The following SHISA9 variants were observed in gnomAD, a reference collection of about 807,000 sequenced individuals.
SHISA9 encodes the protein protein shisa-9.
In SHISA9, 13 loss-of-function variants were observed where a neutral mutation model predicts 38.0. The observed-to-expected ratio is 0.34, with a 90% CI of 0.22 to 0.54. The LOEUF is 0.54. SHISA9 is among the 20% of genes least tolerant of loss of function. SHISA9 has a pLI of 0.91. For missense variants in SHISA9, 538 were observed against 575.8 expected (o/e 0.93, Z 0.67); for synonymous variants, 275 against 242.0 (o/e 1.14, Z -1.27).
At chr16:13,254,161 C>T in the SHISA9 span, among the ~76,000 whole-genome samples, 3 of 152,084 alleles carry the variant, frequency 2.0e-5, no homozygotes, top group Non-Finnish European at 4.4e-5. Flanking sequence ...CTACTATGTG[C>T]CAGGCAATTT....
the SHISA9 span, among the ~76,000 whole-genome samples, chr16:13,526,639 G>A: frequency 6.6e-6 from 1 of 152,262 alleles, no homozygotes; most frequent in East Asian, 1.9e-4. Context: ...GCCTGCCTCG[G>A]CCTCCCAAAG....
chr16:13,455,408 A>G, the SHISA9 span, among the ~76,000 whole-genome samples: 5 of 152,306 alleles, frequency 3.3e-5, no homozygotes, highest in East Asian at 3.9e-4. Context: ...TGCACCTTCA[A>G]TGTTTTGCAT....
chr16:13,093,300 C>G (rs1412404023), intron 2 of SHISA9, among the ~76,000 whole-genome samples: 1 of 152,158 alleles, frequency 6.6e-6, no homozygotes, highest in East Asian at 1.9e-4. Context: ...TTAAGAAAAG[C>G]CCATCTCTGC....
the SHISA9 span, among the ~76,000 whole-genome samples, chr16:13,255,970 G>A: frequency 6.6e-6 from 1 of 152,106 alleles, no homozygotes; most frequent in Admixed American, 6.5e-5. Flanking sequence ...GAATAAAGAG[G>A]TGTCATATAA....
At chr16:13,394,582 C>T in the SHISA9 span, among the ~76,000 whole-genome samples, 1 of 152,146 alleles carries the variant, frequency 6.6e-6, no homozygotes, top group Non-Finnish European at 1.5e-5. Flanking sequence ...ACTTGGCTTT[C>T]TCGTTCTCAC....
chr16:13,116,030 CT>C (rs2074028042), intron 2 of SHISA9, among the ~76,000 whole-genome samples: 1 of 152,152 alleles, frequency 6.6e-6, no homozygotes, highest in Non-Finnish European at 1.5e-5. Context: ...ATTCTTCATT[CT>C]GCCTTATGAT....
At chr16:13,178,690 C>CT (rs1410550872) in intron 2 of SHISA9, among the ~76,000 whole-genome samples, 1 of 152,160 alleles carries the variant, frequency 6.6e-6, no homozygotes, top group Non-Finnish European at 1.5e-5. Context: ...AGAAGCCAGC[C>CT]TCCAGCCTTG....
At chr16:13,218,911 A>T (rs1021328093) in intron 4 of SHISA9, among the ~76,000 whole-genome samples, 12 of 152,226 alleles carry the variant, frequency 7.9e-5, no homozygotes, top group African/African-American at 2.7e-4. Flanking sequence ...GCTTTAAAAC[A>T]TTACTTCATG....
chr16:13,321,116 A>G, the SHISA9 span, among the ~76,000 whole-genome samples: 1 of 152,206 alleles, frequency 6.6e-6, no homozygotes, highest in African/African-American at 2.4e-5. Context: ...ACTACATTGG[A>G]CGGCACATCT....
At chr16:13,233,158 G>A (rs141513063) in intron 4 of SHISA9, among the ~76,000 whole-genome samples, 85 of 152,272 alleles carry the variant, frequency 5.6e-4, no homozygotes, top group African/African-American at 1.9e-3. Context: ...CCCATCTGAT[G>A]AGAATTTATG....
chr16:13,537,295 G>A, the SHISA9 span, among the ~76,000 whole-genome samples: 1 of 152,032 alleles, frequency 6.6e-6, no homozygotes, highest in African/African-American at 2.4e-5. Flanking sequence ...GGGCATGGTG[G>A]CAGTTGCCTG....
At chr16:13,429,934 A>G in the SHISA9 span, among the ~76,000 whole-genome samples, 7 of 152,170 alleles carry the variant, frequency 4.6e-5, no homozygotes, top group African/African-American at 1.4e-4. Context: ...GAATGTGACT[A>G]TATTAGGAGA....
intron 1 of SHISA9, among the ~76,000 whole-genome samples, chr16:12,912,255 C>T (rs1175234990): frequency 3.3e-5 from 5 of 152,272 alleles, no homozygotes; most frequent in South Asian, 2.1e-4. Flanking sequence ...TCATTTCTGC[C>T]GCACACTCTA....
rs1567179939 is a variant in SHISA9, at chr16:13,008,665, T to TC, written c.691+91852dup. Among the ~76,000 whole-genome samples, 75 of 26,196 alleles carry TC rather than the reference T, an allele frequency of 2.9e-3. 2 individuals carry two copies. The highest frequency in any genetic ancestry group is 2.0e-3 in the Non-Finnish European group (26 of 12,688). The allele number at this position is 26,196 out of a possible 152,430, so 17.2% of individuals were successfully genotyped here. On this transcript the variant is annotated intron_variant, in intron 2 of 4. Transcript: ENST00000558583. ...TCCCTCCCTCCCTCCCTCCCTCCCT[T>TC]CCTCCCTCCCTCCCTCTCTCTCTCT...
At chr16:13,367,369 T>C in the SHISA9 span, among the ~76,000 whole-genome samples, 1 of 149,612 alleles carries the variant, frequency 6.7e-6, no homozygotes, top group Admixed American at 6.7e-5. Context: ...GGGTACCATT[T>C]ATTAAGCTCT....
At chr16:13,095,827 A>G (rs887809956) in intron 2 of SHISA9, among the ~76,000 whole-genome samples, 4 of 152,230 alleles carry the variant, frequency 2.6e-5, no homozygotes, top group Non-Finnish European at 5.9e-5. Flanking sequence ...ATGGCTCTCA[A>G]ACTTGAGCGA....
At chr16:13,212,893 G>C (rs2051134055) in intron 3 of SHISA9, among the ~76,000 whole-genome samples, 1 of 152,170 alleles carries the variant, frequency 6.6e-6, no homozygotes, top group Non-Finnish European at 1.5e-5. Flanking sequence ...GCCAAGGTGA[G>C]CTCATATAAC....
chr16:13,021,622 G>A (rs1002979264), intron 2 of SHISA9, among the ~76,000 whole-genome samples: 1 of 152,128 alleles, frequency 6.6e-6, no homozygotes, highest in South Asian at 2.1e-4. Flanking sequence ...AAGAAGAAAC[G>A]GTACCTGAGC....
chr16:13,483,004 C>G, the SHISA9 span, among the ~76,000 whole-genome samples: 1 of 152,112 alleles, frequency 6.6e-6, no homozygotes, highest in Non-Finnish European at 1.5e-5. Context: ...GAGCCAAGAG[C>G]AGAATTCTCA....
Sources: gnomAD v4.1 joint callset for allele counts (sites outside exome capture counted in the v4.1 genomes callset) on GRCh38, gnomAD v4.1.1 for gene constraint, MANE v1.5 for transcripts, NCBI Gene and HGNC (gene_info 2026-07-23, HGNC 2026-07-21) for gene names.